CSRNP3: variants seen among roughly 807,000 people sequenced by gnomAD.
The protein encoded by CSRNP3 is cysteine/serine-rich nuclear protein 3.
In CSRNP3, 12 loss-of-function variants were observed where a neutral mutation model predicts 48.0. The observed-to-expected ratio is 0.25, with a 90% CI of 0.16 to 0.41. CSRNP3 has a LOEUF of 0.41. Ranked by LOEUF, CSRNP3 falls within the 10% of genes least tolerant of loss-of-function variation. The pLI is 1.00. For synonymous variants in CSRNP3, 263 were observed against 269.7 expected, an observed-to-expected ratio of 0.98 and a Z score of 0.24; for missense variants, 580 against 724.4, an observed-to-expected ratio of 0.80 and a Z score of 2.29.
chr2:165,521,315 A>G (rs1684659421), intron 3 of CSRNP3, among the ~76,000 whole-genome samples: 1 of 152,160 alleles, frequency 6.6e-6, no homozygotes, highest in Non-Finnish European at 1.5e-5. Flanking sequence ...ACTCATCTGG[A>G]AACGTCAATG....
At chr2:165,500,084 C>T (rs1574806470) in intron 2 of CSRNP3, among the ~76,000 whole-genome samples, 4 of 149,098 alleles carry the variant, frequency 2.7e-5, no homozygotes, top group South Asian at 4.3e-4. Context: ...AAAACTCAAA[C>T]TCAATTGAAA....
At chr2:165,676,038 C>T (rs1687416848) in intron 5 of CSRNP3, among the ~76,000 whole-genome samples, 1 of 152,146 alleles carries the variant, frequency 6.6e-6, no homozygotes, top group Non-Finnish European at 1.5e-5. Context: ...ACATAGCACT[C>T]TCTAAAAGCT....
In CSRNP3 at chr2:165,503,214, A is replaced by C. The variant is rs571058518; in HGVS notation, c.-113+8286A>C. 4.6e-5 allele frequency among the ~76,000 whole-genome samples: 7 copies of C among 152,062 alleles called. No homozygotes were observed. The South Asian group carries it at 1.2e-3, about 27-fold the overall frequency. On this transcript the variant is annotated intron_variant, in intron 2 of 6. Transcript: ENST00000651982. The stretch of plus-strand genomic sequence containing the variant: ...ATAATTGCTCCTAGGATTTTCATAA[A>C]TTTCTATATGTATTTAAATCTTTAG...
At chr2:165,665,484 G>C (rs895797736) in intron 5 of CSRNP3, among the ~76,000 whole-genome samples, 2 of 152,116 alleles carry the variant, frequency 1.3e-5, no homozygotes, top group African/African-American at 4.8e-5. Flanking sequence ...TCTCTGGCCG[G>C]GCAGGGTGGC....
intron 1 of CSRNP3, among the ~76,000 whole-genome samples, chr2:165,485,828 T>C (rs1684104981): frequency 6.6e-6 from 1 of 152,212 alleles, no homozygotes; most frequent in South Asian, 2.1e-4. Context: ...TTTTTGTTGT[T>C]ATTTTGCCAC....
Position 165,477,504 on chromosome 2 carries a change from A to AATATATATATATAT in CSRNP3, c.-283+7767_-283+7780dup, listed in dbSNP as rs35294627. On this transcript the variant is annotated intron_variant, in intron 1 of 6. Transcript: ENST00000651982. ...ATGAAATATATATATATATAATACA[A>AATATATATATATAT]ATATATATATATATATTAGCCAGGT... 3.1e-3 allele frequency among the ~76,000 whole-genome samples: 414 copies of AATATATATATATAT among 132,100 alleles called. 2 individuals carry two copies. Among genetic ancestry groups the AATATATATATATAT allele is most frequent in the African/African-American group, 0.011 (382 of 35,526 alleles). The allele number at this position is 132,100 out of a possible 152,430, so 86.7% of individuals were successfully genotyped here.
intron 1 of CSRNP3, among the ~76,000 whole-genome samples, chr2:165,478,849 A>T (rs1684002803): frequency 6.6e-6 from 1 of 152,232 alleles, no homozygotes; most frequent in African/African-American, 2.4e-5. Flanking sequence ...TAAAAAGGGA[A>T]GCATAATGCT....
rs966145636 is a variant in CSRNP3 at position 165,478,388 on chromosome 2, T to C, written c.-283+8648T>C. On this transcript the variant is annotated intron_variant, in intron 1 of 6. Transcript: ENST00000651982. ...TCAATTTTTAAAAATTTTCACTCTT[T>C]TTCTCTCCCCCATGTTGTGCTTTTA... Among the ~76,000 whole-genome samples the C allele has an allele frequency of 3.9e-5, 6 of 152,188 alleles. No homozygotes were observed. In the East Asian group the frequency reaches 1.2e-3, roughly 29 times the overall value.
chr2:165,538,977 A>T (rs1283833314), intron 3 of CSRNP3, among the ~76,000 whole-genome samples: 1 of 151,980 alleles, frequency 6.6e-6, no homozygotes, highest in East Asian at 1.9e-4. Flanking sequence ...AAATACTCCT[A>T]ACGATATCTC....
At chr2:165,604,024 T>A (rs994617775) in intron 4 of CSRNP3, among the ~76,000 whole-genome samples, 5 of 152,226 alleles carry the variant, frequency 3.3e-5, no homozygotes, top group Non-Finnish European at 5.9e-5. Context: ...GGAATGTATG[T>A]TTATCATCTG....
At chr2:165,655,209 C>G (rs1014576767) in intron 4 of CSRNP3, among the ~76,000 whole-genome samples, 2 of 152,204 alleles carry the variant, frequency 1.3e-5, no homozygotes, top group East Asian at 3.8e-4. Context: ...CAGTTGACAT[C>G]TTCCAGAGGT....
chr2:165,669,918 A>G (rs1687301442), intron 5 of CSRNP3, among the ~76,000 whole-genome samples: 1 of 152,234 alleles, frequency 6.6e-6, no homozygotes, highest in South Asian at 2.1e-4. Flanking sequence ...TAAACATAAA[A>G]TAAAGATGAT....
At chr2:165,579,536 C>T (rs1161950637) in intron 3 of CSRNP3, among the ~76,000 whole-genome samples, 2 of 152,112 alleles carry the variant, frequency 1.3e-5, no homozygotes, top group African/African-American at 4.8e-5. Context: ...GAGTTTCTAT[C>T]TCATCTATAG....
At chr2:165,544,010 T>C (rs1001907368) in intron 3 of CSRNP3, among the ~76,000 whole-genome samples, 16 of 147,408 alleles carry the variant, frequency 1.1e-4, no homozygotes, top group African/African-American at 2.6e-4. Context: ...TATATATATA[T>C]ACACACACAA....
chr2:165,619,776 T>A (rs1409623036), intron 4 of CSRNP3, among the ~76,000 whole-genome samples: 1 of 152,152 alleles, frequency 6.6e-6, no homozygotes, highest in Non-Finnish European at 1.5e-5. Flanking sequence ...ACCACCTAAG[T>A]CAGAGGACTT....
intron 5 of CSRNP3, among the ~76,000 whole-genome samples, chr2:165,660,955 A>T (rs1403581779): frequency 6.6e-6 from 1 of 152,238 alleles, no homozygotes; most frequent in Non-Finnish European, 1.5e-5. Flanking sequence ...ATTCAGAAAC[A>T]CATGTCACAC....
At chr2:165,629,696 T>C (rs1350778718) in intron 4 of CSRNP3, among the ~76,000 whole-genome samples, 5 of 152,164 alleles carry the variant, frequency 3.3e-5, no homozygotes, top group African/African-American at 4.8e-5. Context: ...AATGAAGATA[T>C]CTCGATATGT....
Position 165,679,785 on chromosome 2 carries a change from C to T in CSRNP3, c.*32C>T. The T allele has an allele frequency of 2.5e-6, 4 of 1,584,814 alleles. No homozygotes were observed. Among genetic ancestry groups the T allele is most frequent in the East Asian group, 4.5e-5 (2 of 44,554 alleles). Reference sequence around the variant, plus strand: ...AAATTATTCTAGGACCAACTCTTCTCTTATTTAAGGCACTGTATTTAATTG... The same window carrying T: ...AAATTATTCTAGGACCAACTCTTCTTTTATTTAAGGCACTGTATTTAATTG... On this transcript the variant is annotated 3_prime_UTR_variant, in exon 7 of 7. Coordinates refer to ENST00000651982, the MANE Select transcript of CSRNP3 (RefSeq NM_001172173.2).
rs111409501 is a variant in CSRNP3 at position 165,595,297 on chromosome 2, C to A, written c.148+84C>A. 4,944 of 1,289,908 alleles carry A rather than the reference C, an allele frequency of 3.8e-3. 145 individuals carry two copies. The African/African-American group carries it at 0.065, about 17-fold the overall frequency. 79.9% of individuals were successfully genotyped at this position (1,289,908 alleles called of 1,614,324 possible). A position where few individuals can be genotyped will look rare whatever the true frequency, so the allele number is the denominator to read the frequency against. On this transcript the variant is annotated intron_variant, in intron 4 of 6. Coordinates refer to ENST00000651982, the MANE Select transcript of CSRNP3 (RefSeq NM_001172173.2). Reference sequence around the variant, plus strand: ...GTCATTTTTATTTTTACCTTTCATGCTAGCTATATATATTTTCCCATCAAC... The same window carrying A: ...GTCATTTTTATTTTTACCTTTCATGATAGCTATATATATTTTCCCATCAAC...
Sources: gnomAD v4.1 joint callset for allele counts (sites outside exome capture counted in the v4.1 genomes callset) on GRCh38, gnomAD v4.1.1 for gene constraint, MANE v1.5 for transcripts, NCBI Gene and HGNC (gene_info 2026-07-23, HGNC 2026-07-21) for gene names.